Variants in TICRR observed in about 807,000 individuals in gnomAD.
TICRR encodes the protein treslin.
Under a neutral mutation model 178.1 loss-of-function variants are expected in TICRR, and 132 were observed. The observed-to-expected ratio is 0.74, with a 90% CI of 0.64 to 0.86. The LOEUF (loss-of-function observed/expected upper bound fraction) is 0.86. TICRR is among the 40% of genes least tolerant of loss of function. TICRR has a pLI of 0.00. For synonymous variants in TICRR, 991 were observed against 900.7 expected (o/e 1.10, Z -1.79); for missense variants, 2,587 against 2,334.3 (o/e 1.11, Z -2.23).
rs75725945 is a variant in TICRR, at chr15:89,620,938, A to G, written c.3155-455A>G. Among the ~76,000 whole-genome samples the G allele has an allele frequency of 1.9e-3, 291 of 150,178 alleles. 5 individuals are homozygous for G. In the South Asian group the frequency reaches 0.031, roughly 16 times the overall value. On this transcript the variant is annotated intron_variant, in intron 18 of 21. Coordinates refer to ENST00000268138, the MANE Select transcript of TICRR (RefSeq NM_152259.4). The stretch of plus-strand genomic sequence containing the variant: ...CAGGTTTCACTGTGTTAGCCAGGAT[A>G]GTCTCGATCTCCGACTTAGTGATCT...
In TICRR at chr15:89,625,352, T is replaced by C. The variant is rs1197570922; in HGVS notation, c.5042T>C (p.Ile1681Thr). The C allele has an allele frequency of 3.1e-6, 5 of 1,613,816 alleles. No individual in the cohort carries two copies. The highest frequency in any genetic ancestry group is 2.5e-6 in the Non-Finnish European group (3 of 1,179,966). ...CACAGTGGGAAGACAACTCCAGACATAATTAAAGACTGGCCCAGGAGGAAG... is the reference window on the plus strand; with the variant it reads ...CACAGTGGGAAGACAACTCCAGACACAATTAAAGACTGGCCCAGGAGGAAG... ...PKHSGKTTPD[I>T]IKDWPRRKRA... The change falls in exon 20 of 22, where the codon ATA becomes ACA. Residue 1681 changes from isoleucine to threonine, a missense_variant. By Grantham distance (89) the Ile-to-Thr change is moderately conservative (BLOSUM62 -1). Coordinates refer to ENST00000268138, the MANE Select transcript of TICRR (RefSeq NM_152259.4).
intron 7 of TICRR, among the ~76,000 whole-genome samples, chr15:89,597,777 T>C (rs1963022700): frequency 6.6e-6 from 1 of 152,152 alleles, no homozygotes; most frequent in South Asian, 2.1e-4. Context: ...ATGCAGAAAA[T>C]AACTTATTTG....
intron 18 of TICRR, 21 bp downstream of exon 18, chr15:89,619,863 C>T (rs1367890521): frequency 1.3e-6 from 2 of 1,591,274 alleles, no homozygotes; most frequent in Non-Finnish European, 1.7e-6. Context: ...GGCCCCTCTG[C>T]CTTCACAAGT....
intron 1 of TICRR, among the ~76,000 whole-genome samples, chr15:89,577,106 T>G (rs1029018477): frequency 9.9e-5 from 15 of 151,828 alleles, no homozygotes; most frequent in African/African-American, 1.5e-4. Context: ...CTGCCCAGGC[T>G]GGTCTCAAAC....
Position 89,602,892 on chromosome 15 carries a change from A to G in TICRR, c.2664A>G (p.Lys888=). ...AAGTGTCAAAGAGAGCTACGAAAAA[A>G]GTAAGTAAACCTTCCAGCTTGAGAT... ...IPKVSKRATK[K]ENSHPAPQQP... is the part of the protein sequence containing the mutation. Residue 888 remains lysine, a splice_region_variant and synonymous_variant, in exon 13 of 22, where the codon AAA becomes AAG. Coordinates refer to ENST00000268138, the MANE Select transcript of TICRR (RefSeq NM_152259.4). 1.3e-6 allele frequency: 2 copies of G among 1,506,648 alleles called. No individual in the cohort carries two copies. The highest frequency in any genetic ancestry group is 8.9e-7 in the Non-Finnish European group (1 of 1,125,566). 93.3% of individuals were successfully genotyped at this position (1,506,648 alleles called of 1,614,324 possible). A position where few individuals can be genotyped will look rare whatever the true frequency, so the allele number is the denominator to read the frequency against.
chr15:89,588,844 G>T (rs542038299), intron 4 of TICRR, among the ~76,000 whole-genome samples: 8 of 152,302 alleles, frequency 5.3e-5, no homozygotes, highest in Non-Finnish European at 1.2e-4. Context: ...ATCCAGGCTT[G>T]TTAGATGACT....
rs1346544640 is a variant in TICRR, at chr15:89,600,837, G to A, written c.2153+152G>A. Reference sequence around the variant, plus strand: ...AAGCAGGAGGATTGCTTGCAGCCAGGAATTTGAGGCCATCCTGGGCAATAT... The same window carrying A: ...AAGCAGGAGGATTGCTTGCAGCCAGAAATTTGAGGCCATCCTGGGCAATAT... On this transcript the variant is annotated intron_variant, in intron 9 of 21. Transcript: ENST00000268138. 5 of 510,596 alleles carry A rather than the reference G, an allele frequency of 9.8e-6. No homozygotes were observed. In the African/African-American group the frequency reaches 1.0e-4, roughly 10 times the overall value. The allele number at this position is 510,596 out of a possible 1,614,324, so 31.6% of individuals were successfully genotyped here.
rs780486490 is a variant in TICRR at position 89,576,058 on chromosome 15, G to GC, written c.477dup (p.Cys160LeufsTer27). On this transcript the variant is annotated frameshift_variant, in exon 1 of 22. Coordinates refer to ENST00000268138, the MANE Select transcript of TICRR (RefSeq NM_152259.4). LOFTEE classifies it high-confidence loss of function. ...CTTGGTGAACGCCGTCTTCCTCCTGGCCCCCTGTCCGCACTCGCAGAGGGA... is the reference window on the plus strand; with the variant it reads ...CTTGGTGAACGCCGTCTTCCTCCTGGCCCCCCTGTCCGCACTCGCAGAGGGA... 1 of 1,611,474 alleles carries GC rather than the reference G, an allele frequency of 6.2e-7. No individual in the cohort carries two copies. The highest frequency in any genetic ancestry group is 1.1e-5 in the South Asian group (1 of 90,942).
chr15:89,614,625 C>G (rs1181776025), intron 15 of TICRR, among the ~76,000 whole-genome samples: 1 of 152,186 alleles, frequency 6.6e-6, no homozygotes, highest in Non-Finnish European at 1.5e-5. Context: ...GCCACTGCAC[C>G]CAGCATGGAT....
At chr15:89,585,264 G>GT (rs1962800680) in intron 3 of TICRR, among the ~76,000 whole-genome samples, 1 of 152,220 alleles carries the variant, frequency 6.6e-6, no homozygotes, top group Non-Finnish European at 1.5e-5. Flanking sequence ...GCTGCCTACT[G>GT]TATGTTCTGG....
Position 89,610,758 on chromosome 15 carries a change from C to A in TICRR, c.2869+1809C>A, listed in dbSNP as rs1272199344. On this transcript the variant is annotated intron_variant, in intron 15 of 21. Coordinates refer to ENST00000268138, the MANE Select transcript of TICRR (RefSeq NM_152259.4). ...TTTTATGCTTTTTTGTTTCTCAATT[C>A]CTGTTTTTTTGTATTTAGCTGATTT... is the stretch of plus-strand genomic sequence containing the variant. 3.3e-5 allele frequency among the ~76,000 whole-genome samples: 5 copies of A among 151,510 alleles called. No individual in the cohort carries two copies. The South Asian group carries it at 1.1e-3, about 32-fold the overall frequency.
rs141210756 is a variant in TICRR, at chr15:89,595,378, A to T, written c.1682-15A>T. The T allele has an allele frequency of 1.9e-6, 3 of 1,597,640 alleles. No homozygotes were observed. The African/African-American group carries it at 4.0e-5, about 21-fold the overall frequency. Reference sequence around the variant, plus strand: ...AAGGCAATTTACTTTCCCTCCTCTGATGTTGTTTTGGTAGGAGGGGTCCCT... The same window carrying T: ...AAGGCAATTTACTTTCCCTCCTCTGTTGTTGTTTTGGTAGGAGGGGTCCCT... On this transcript the variant is annotated splice_polypyrimidine_tract_variant and intron_variant, in intron 6 of 21. Transcript: ENST00000268138.
At chr15:89,618,044 C>A in intron 16 of TICRR, 108 bp from the exon 17 acceptor site, 1 of 1,152,008 alleles carries the variant, frequency 8.7e-7, no homozygotes, top group South Asian at 1.2e-5. Context: ...CTGGTGTTAT[C>A]AGACCCTGTG....
In TICRR at chr15:89,582,939, A is replaced by G. The variant is rs879146375; in HGVS notation, c.908A>G (p.Glu303Gly). ...TATGAGGCCTCGTTTCCACGAATGG[A>G]AGGAATGTTATTTCTCCCTGTTGAA... is the stretch of plus-strand genomic sequence containing the variant. ...PEYEASFPRM[E>G]GMLFLPVEAG... is the part of the protein sequence containing the mutation. The change falls in exon 2 of 22, where the codon GAA (glutamate) becomes GGA (glycine). Residue 303 changes from glutamate to glycine, a missense_variant. By Grantham distance (98) the Glu-to-Gly change is moderately conservative. Coordinates refer to ENST00000268138, the MANE Select transcript of TICRR (RefSeq NM_152259.4). 1.2e-5 allele frequency: 19 copies of G among 1,613,762 alleles called. No individual in the cohort carries two copies. The Admixed American group carries it at 1.3e-4, about 11-fold the overall frequency.
At chr15:89,611,463 T>G (rs1004319563) in intron 15 of TICRR, among the ~76,000 whole-genome samples, 17 of 152,304 alleles carry the variant, frequency 1.1e-4, no homozygotes, top group Middle Eastern at 3.4e-3. Flanking sequence ...GTGAATCTCT[T>G]AGAGTTTATT....
chr15:89,576,487 C>G (rs749680454), intron 1 of TICRR, among the ~76,000 whole-genome samples: 1 of 152,120 alleles, frequency 6.6e-6, no homozygotes, highest in Non-Finnish European at 1.5e-5. Flanking sequence ...TTCCTACACA[C>G]TACATCTACT....
intron 3 of TICRR, 145 bp downstream of exon 3, chr15:89,584,672 C>A: frequency 1.2e-6 from 1 of 808,820 alleles, no homozygotes; most frequent in Non-Finnish European, 1.8e-6. Context: ...ATTATAGTAT[C>A]ATGACAGCAA....
chr15:89,616,656 C>T (rs776273641), intron 16 of TICRR, among the ~76,000 whole-genome samples, 161 bp downstream of exon 16: 2 of 152,204 alleles, frequency 1.3e-5, no homozygotes, highest in Admixed American at 6.5e-5. Flanking sequence ...AGCAGGAGAA[C>T]CATATAAAAT....
In TICRR at chr15:89,618,202, AAGG is replaced by A; in HGVS notation, c.3014_3016del (p.Gly1005del). On this transcript the variant is annotated inframe_deletion, in exon 17 of 22. Transcript: ENST00000268138. Reference sequence around the variant, plus strand: ...GGTGTTGTTGAAGAGTCCCCTGAAAAAGGAGATGGTGAGTGTTATCTCTTTTTG... The same window carrying A: ...GGTGTTGTTGAAGAGTCCCCTGAAAAAGATGGTGAGTGTTATCTCTTTTTG... The A allele has an allele frequency of 6.2e-7, 1 of 1,614,164 alleles. No individual in the cohort carries two copies.
Sources: allele counts gnomAD v4.1 joint callset (sites outside exome capture counted in the v4.1 genomes callset), GRCh38; gene constraint gnomAD v4.1.1; transcripts MANE v1.5; gene names NCBI Gene and HGNC (gene_info 2026-07-23, HGNC 2026-07-21).